The following CTNND2 variants were observed in gnomAD, a reference collection of about 807,000 sequenced individuals.
CTNND2 encodes the protein catenin delta 2, also known as catenin delta-2.
Under a neutral mutation model 144.4 loss-of-function variants are expected in CTNND2, and 22 were observed. The ratio of observed to expected loss-of-function variants is 0.15; its 90% CI spans 0.11 to 0.22. The LOEUF (loss-of-function observed/expected upper bound fraction) is 0.22, where lower values mean the gene tolerates loss of function less well. Among genes scored for constraint, CTNND2 ranks in the 10% least tolerant of loss-of-function variants. CTNND2 has a pLI of 1.00. For missense variants in CTNND2, 1,353 were observed against 1,618.8 expected, an observed-to-expected ratio of 0.84 and a Z score of 2.82; for synonymous variants, 751 against 695.6, an observed-to-expected ratio of 1.08 and a Z score of -1.25.
At chr5:11,399,878 GT>G (rs375235497) in intron 5 of CTNND2, among the ~76,000 whole-genome samples, 213 of 152,286 alleles carry the variant, frequency 1.4e-3, no homozygotes, top group African/African-American at 4.3e-3. Flanking sequence ...ATTTTAGAAT[GT>G]TTTTCCATTG....
intron 3 of CTNND2, among the ~76,000 whole-genome samples, chr5:11,463,309 T>A (rs1406169476): frequency 6.6e-6 from 1 of 152,234 alleles, no homozygotes; most frequent in Non-Finnish European, 1.5e-5. Flanking sequence ...CACAGTTATA[T>A]AAATATGCAA....
At chr5:11,814,544 A>G (rs1385555890) in intron 1 of CTNND2, among the ~76,000 whole-genome samples, 3 of 152,234 alleles carry the variant, frequency 2.0e-5, no homozygotes, top group African/African-American at 7.2e-5. Flanking sequence ...GAGAGCTGCA[A>G]AGCACACATG....
At chr5:11,068,040 T>G (rs1372879342) in intron 16 of CTNND2, among the ~76,000 whole-genome samples, 2 of 152,202 alleles carry the variant, frequency 1.3e-5, no homozygotes, top group Non-Finnish European at 2.9e-5. Context: ...AATATAAAGT[T>G]TGGATCAGCA....
chr5:11,296,862 T>G (rs1749078193), intron 9 of CTNND2, among the ~76,000 whole-genome samples: 1 of 152,114 alleles, frequency 6.6e-6, no homozygotes, highest in East Asian at 1.9e-4. Context: ...AGGGATAGCA[T>G]TAGGAGATAT....
intron 9 of CTNND2, among the ~76,000 whole-genome samples, chr5:11,261,570 A>T (rs900851162): frequency 6.6e-6 from 1 of 152,248 alleles, no homozygotes; most frequent in Non-Finnish European, 1.5e-5. Flanking sequence ...GCCTCTCAGT[A>T]TCCTGCTGAA....
At chr5:11,655,587 T>C (rs1377605594) in intron 2 of CTNND2, among the ~76,000 whole-genome samples, 1 of 152,154 alleles carries the variant, frequency 6.6e-6, no homozygotes, top group African/African-American at 2.4e-5. Flanking sequence ...ATTATATTAA[T>C]AGATAATTTT....
At chr5:11,259,024 A>G (rs26448) in intron 9 of CTNND2, among the ~76,000 whole-genome samples, 60,070 of 152,000 alleles carry the variant, frequency 0.4, 12,156 homozygotes, top group African/African-American at 0.47. Flanking sequence ...ACAAATCCAC[A>G]AGTTGCCCTG....
intron 17 of CTNND2, among the ~76,000 whole-genome samples, chr5:11,021,210 C>T (rs927948286): frequency 9.2e-5 from 14 of 152,088 alleles, no homozygotes; most frequent in African/African-American, 3.4e-4. Flanking sequence ...TAGGAATGCT[C>T]ATAAAGTTGG....
At chr5:11,900,239 T>C (rs954273282) in intron 1 of CTNND2, among the ~76,000 whole-genome samples, 3 of 152,364 alleles carry the variant, frequency 2.0e-5, no homozygotes, top group East Asian at 1.9e-4. Context: ...TTCAATATCC[T>C]GACATAGCTA....
intron 3 of CTNND2, among the ~76,000 whole-genome samples, chr5:11,435,138 T>TTTAA (rs1030338570): frequency 2.0e-5 from 3 of 147,804 alleles, no homozygotes; most frequent in Non-Finnish European, 4.4e-5. Context: ...TATTTATTTA[T>TTTAA]TTATTTATTT....
At chr5:11,488,235 C>T (rs1437343316) in intron 3 of CTNND2, among the ~76,000 whole-genome samples, 1 of 152,134 alleles carries the variant, frequency 6.6e-6, no homozygotes, top group African/African-American at 2.4e-5. Context: ...TTATAGTTAG[C>T]CTACTTTAAA....
At chr5:11,125,626 G>A (rs1003631256) in intron 12 of CTNND2, among the ~76,000 whole-genome samples, 2 of 152,212 alleles carry the variant, frequency 1.3e-5, no homozygotes, top group African/African-American at 2.4e-5. Context: ...CATGCCAGGC[G>A]GGTTACCAGC....
intron 9 of CTNND2, among the ~76,000 whole-genome samples, chr5:11,241,258 G>T (rs1561078546): frequency 6.6e-6 from 1 of 152,214 alleles, no homozygotes; most frequent in African/African-American, 2.4e-5. Flanking sequence ...TGTGGCTTAA[G>T]ATTCTCCAGT....
At chr5:11,264,248 C>T (rs1437697446) in intron 9 of CTNND2, among the ~76,000 whole-genome samples, 3 of 152,164 alleles carry the variant, frequency 2.0e-5, no homozygotes, top group Non-Finnish European at 4.4e-5. Flanking sequence ...CTGGCGAATC[C>T]AGAACCTGTG....
At chr5:11,520,095 C>T (rs1375119480) in intron 3 of CTNND2, among the ~76,000 whole-genome samples, 4 of 148,224 alleles carry the variant, frequency 2.7e-5, no homozygotes, top group African/African-American at 5.0e-5. Flanking sequence ...TGCAATGAGC[C>T]GAGATCACGC....
chr5:11,738,514 G>A (rs1160410074), intron 1 of CTNND2, among the ~76,000 whole-genome samples: 1 of 152,138 alleles, frequency 6.6e-6, no homozygotes, highest in African/African-American at 2.4e-5. Flanking sequence ...CATTTTGGAA[G>A]GCCAAACTCT....
At chr5:11,868,197 G>A (rs1795865487) in intron 1 of CTNND2, among the ~76,000 whole-genome samples, 1 of 152,034 alleles carries the variant, frequency 6.6e-6, no homozygotes, top group Non-Finnish European at 1.5e-5. Context: ...TGGTGCTGAG[G>A]ATCACACTAG....
At position 11,758,826 on chromosome 5, in the gene CTNND2, C is replaced by T. The variant is rs1354272150; in HGVS notation, c.38-26554G>A. On this transcript the variant is annotated intron_variant, in intron 1 of 21. Coordinates refer to ENST00000304623, the MANE Select transcript of CTNND2 (RefSeq NM_001332.4). ...ATTCTATGTTTAGGAGAACTCCCCT[C>T]ATGGCAGTAGACTTCACACATTTTA... Among the ~76,000 whole-genome samples the T allele has an allele frequency of 3.4e-4, 51 of 152,034 alleles. 1 individual carries two copies. Among genetic ancestry groups the T allele is most frequent in the Admixed American group, 3.3e-3 (51 of 15,244 alleles).
intron 9 of CTNND2, among the ~76,000 whole-genome samples, chr5:11,283,250 TG>T (rs1235854244): frequency 3.3e-5 from 5 of 152,144 alleles, no homozygotes; most frequent in African/African-American, 1.2e-4. Context: ...GTATGGGAAT[TG>T]AAATCACTTG....
Sources: allele counts gnomAD v4.1 joint callset (sites outside exome capture counted in the v4.1 genomes callset), GRCh38; gene constraint gnomAD v4.1.1; transcripts MANE v1.5; gene names NCBI Gene and HGNC (gene_info 2026-07-23, HGNC 2026-07-21).